The following KHDRBS2 variants were observed in gnomAD, a reference collection of about 807,000 sequenced individuals.
KHDRBS2 encodes the protein KH RNA binding domain containing, signal transduction associated 2.
In KHDRBS2, 26 loss-of-function variants were observed where a neutral mutation model predicts 44.3. That is an observed-to-expected ratio of 0.59 (90% CI 0.43 to 0.81). KHDRBS2 has a LOEUF of 0.81. Among genes scored for constraint, KHDRBS2 ranks in the 40% least tolerant of loss-of-function variants. The pLI, the probability that KHDRBS2 is intolerant of heterozygous loss-of-function variation, is 0.00. For synonymous variants in KHDRBS2, 194 were observed against 151.1 expected (o/e 1.28, Z -2.08); for missense variants, 476 against 433.1 (o/e 1.10, Z -0.88).
chr6:62,059,198 G>GTTTTTTTTTTTTTTTTTTT lies in KHDRBS2; in HGVS notation c.220-11223_220-11205dup, dbSNP rs398001756. 3.5e-3 allele frequency among the ~76,000 whole-genome samples: 87 copies of GTTTTTTTTTTTTTTTTTTT among 24,884 alleles called. 31 individuals carry two copies. Among genetic ancestry groups the GTTTTTTTTTTTTTTTTTTT allele is most frequent in the Admixed American group, 4.9e-3 (6 of 1,236 alleles). 16.3% of individuals were successfully genotyped at this position (24,884 alleles called of 152,430 possible). A position where few individuals can be genotyped will look rare whatever the true frequency, so the allele number is the denominator to read the frequency against. ...TATTTCCACATAGAAAAGTTAGGAA[G>GTTTTTTTTTTTTTTTTTTT]TTTTTTTTTTTTTTTTTTTTTTTTT... On this transcript the variant is annotated intron_variant, in intron 2 of 8. Transcript: ENST00000281156.
intron 1 of KHDRBS2, among the ~76,000 whole-genome samples, chr6:62,247,009 T>C (rs1835684761): frequency 6.6e-6 from 1 of 152,014 alleles, no homozygotes; most frequent in African/African-American, 2.4e-5. Flanking sequence ...AGGCTATTTG[T>C]TCAATTTCCA....
At chr6:61,660,169 C>A in the KHDRBS2 span, among the ~76,000 whole-genome samples, 2 of 151,822 alleles carry the variant, frequency 1.3e-5, no homozygotes, top group East Asian at 2.0e-4. Context: ...CAGTGTAGTT[C>A]GTAACTGACA....
At chr6:62,115,738 A>G (rs967001120) in intron 2 of KHDRBS2, among the ~76,000 whole-genome samples, 5 of 152,152 alleles carry the variant, frequency 3.3e-5, no homozygotes, top group African/African-American at 1.2e-4. Flanking sequence ...GGCTATTTCT[A>G]CACATATAGT....
At chr6:61,905,670 T>C (rs367953646) in intron 4 of KHDRBS2, among the ~76,000 whole-genome samples, 1 of 152,158 alleles carries the variant, frequency 6.6e-6, no homozygotes, top group East Asian at 1.9e-4. Flanking sequence ...ATAATTTTAA[T>C]GCAAATTTAT....
In KHDRBS2 at chr6:61,856,856, T is replaced by C. The variant is rs150861330; in HGVS notation, c.810+37779A>G. Among the ~76,000 whole-genome samples the C allele has an allele frequency of 2.6e-5, 4 of 152,120 alleles. No individual in the cohort carries two copies. In the East Asian group the frequency reaches 7.7e-4, roughly 29 times the overall value. On this transcript the variant is annotated intron_variant, in intron 6 of 8. Transcript: ENST00000281156. ...TTGCTGGAGGTAGAGTGGGGCCAGA[T>C]ATATGCAGTAGTTTTGTTAATCCTT...
At chr6:62,105,671 CTTTT>C (rs1023971890) in intron 2 of KHDRBS2, among the ~76,000 whole-genome samples, 1 of 151,954 alleles carries the variant, frequency 6.6e-6, no homozygotes, top group African/African-American at 2.4e-5. Context: ...TCTCTCTTTT[CTTTT>C]TTATTAGTCT....
intron 2 of KHDRBS2, among the ~76,000 whole-genome samples, chr6:62,070,165 T>C (rs144386948): frequency 6.2e-4 from 94 of 151,894 alleles, no homozygotes; most frequent in African/African-American, 2.2e-3. Flanking sequence ...CTCTTTGCAA[T>C]AGTGCACAAT....
the KHDRBS2 span, among the ~76,000 whole-genome samples, chr6:61,672,101 T>A: frequency 7.2e-6 from 1 of 138,328 alleles, no homozygotes; most frequent in Non-Finnish European, 1.6e-5. Context: ...CGGTGTTTGG[T>A]TTTTTGTTCT....
At chr6:61,875,978 C>A (rs1186114483) in intron 6 of KHDRBS2, among the ~76,000 whole-genome samples, 1 of 151,816 alleles carries the variant, frequency 6.6e-6, no homozygotes, top group Non-Finnish European at 1.5e-5. Flanking sequence ...CAGGTATACT[C>A]CTCTCATATT....
intron 6 of KHDRBS2, among the ~76,000 whole-genome samples, chr6:61,843,259 T>A (rs1190994137): frequency 6.6e-6 from 1 of 151,874 alleles, no homozygotes; most frequent in Non-Finnish European, 1.5e-5. Flanking sequence ...ATTTTGGTGA[T>A]GGTTGCACAA....
intron 6 of KHDRBS2, among the ~76,000 whole-genome samples, chr6:61,738,416 C>A (rs929966958): frequency 6.6e-6 from 1 of 151,898 alleles, no homozygotes; most frequent in African/African-American, 2.4e-5. Flanking sequence ...GTTATAAATT[C>A]TTTAGTTTTC....
rs548992793 is a variant in KHDRBS2, at chr6:62,199,321, T to C, written c.92-22009A>G. Among the ~76,000 whole-genome samples the C allele has an allele frequency of 3.6e-3, 543 of 152,318 alleles. 1 individual carries two copies. Among genetic ancestry groups the C allele is most frequent in the Non-Finnish European group, 5.2e-3 (351 of 68,030 alleles). On this transcript the variant is annotated intron_variant, in intron 1 of 8. Coordinates refer to ENST00000281156, the MANE Select transcript of KHDRBS2 (RefSeq NM_152688.4). The stretch of plus-strand genomic sequence containing the variant: ...TTGTCCCTGTTTGCAGATGACATGA[T>C]TGTATATCTAGAAAACCCCCTTGTC...
intron 2 of KHDRBS2, among the ~76,000 whole-genome samples, chr6:62,103,104 A>G (rs1176222260): frequency 2.6e-5 from 4 of 152,104 alleles, no homozygotes; most frequent in Admixed American, 2.6e-4. Flanking sequence ...TGGAAAAAGT[A>G]CCATCCAACC....
At chr6:61,606,103 C>T in the KHDRBS2 span, among the ~76,000 whole-genome samples, 1 of 152,272 alleles carries the variant, frequency 6.6e-6, no homozygotes, top group Admixed American at 6.5e-5. Context: ...AGAACAACCC[C>T]CTTTGACTGT....
At chr6:61,667,420 A>G in the KHDRBS2 span, among the ~76,000 whole-genome samples, 1 of 151,298 alleles carries the variant, frequency 6.6e-6, no homozygotes, top group Non-Finnish European at 1.5e-5. Flanking sequence ...CATAAACAGT[A>G]CATAAGAAGT....
intron 6 of KHDRBS2, among the ~76,000 whole-genome samples, chr6:61,884,533 C>T (rs1800647093): frequency 6.6e-6 from 1 of 151,888 alleles, no homozygotes; most frequent in African/African-American, 2.4e-5. Flanking sequence ...TTTTTATCTG[C>T]TTTTTTAAAA....
intron 2 of KHDRBS2, among the ~76,000 whole-genome samples, chr6:62,095,433 C>G (rs975034482): frequency 6.6e-6 from 1 of 151,738 alleles, no homozygotes; most frequent in Non-Finnish European, 1.5e-5. Flanking sequence ...TTTAGATACA[C>G]AAATACTATT....
intron 4 of KHDRBS2, among the ~76,000 whole-genome samples, chr6:61,943,859 T>G (rs568313399): frequency 6.6e-6 from 1 of 152,178 alleles, no homozygotes; most frequent in Non-Finnish European, 1.5e-5. Context: ...CAAGCATAGG[T>G]ATTTCTCAAA....
chr6:62,116,950 A>C (rs181715717), intron 2 of KHDRBS2, among the ~76,000 whole-genome samples: 2 of 152,272 alleles, frequency 1.3e-5, no homozygotes, highest in East Asian at 3.9e-4. Flanking sequence ...GCTGAATAAC[A>C]ATTTATTGTG....
Sources: gnomAD v4.1 joint callset for allele counts (sites outside exome capture counted in the v4.1 genomes callset) on GRCh38, gnomAD v4.1.1 for gene constraint, MANE v1.5 for transcripts, NCBI Gene and HGNC (gene_info 2026-07-23, HGNC 2026-07-21) for gene names.